C1orf21: variants seen among roughly 807,000 people sequenced by gnomAD.
The protein encoded by C1orf21 is uncharacterized protein C1orf21.
Under a neutral mutation model 18.7 loss-of-function variants are expected in C1orf21, and 3 were observed. The observed-to-expected ratio is 0.16, with a 90% CI of 0.07 to 0.42. C1orf21 has a LOEUF of 0.42. Ranked by LOEUF, C1orf21 falls within the 10% of genes least tolerant of loss-of-function variation. The pLI is 0.99. For missense variants in C1orf21, 104 were observed against 143.6 expected (o/e 0.72, Z 1.41); for synonymous variants, 41 against 46.4 (o/e 0.88, Z 0.47).
intron 1 of C1orf21, among the ~76,000 whole-genome samples, chr1:184,417,404 A>G (rs577085158): frequency 2.0e-5 from 3 of 152,342 alleles, no homozygotes; most frequent in Admixed American, 1.3e-4. Context: ...TAGCTACGGA[A>G]TGCTTGTGAA....
chr1:184,531,554 G>T (rs1186317323), intron 3 of C1orf21, among the ~76,000 whole-genome samples: 1 of 152,104 alleles, frequency 6.6e-6, no homozygotes, highest in Non-Finnish European at 1.5e-5. Context: ...TTTTTCATGT[G>T]ATGTCCAAGG....
chr1:184,431,682 A>G (rs1050229322), intron 1 of C1orf21, among the ~76,000 whole-genome samples: 11 of 152,228 alleles, frequency 7.2e-5, no homozygotes, highest in Admixed American at 2.6e-4. Flanking sequence ...GTGAACAGGC[A>G]ACCTACAGAA....
chr1:184,585,399 A>G (rs1238060899), intron 3 of C1orf21, among the ~76,000 whole-genome samples: 2 of 152,268 alleles, frequency 1.3e-5, no homozygotes, highest in Non-Finnish European at 2.9e-5. Context: ...TTTTCACTTA[A>G]GAATGCTCTC....
chr1:184,532,427 C>T (rs116781176), intron 3 of C1orf21, among the ~76,000 whole-genome samples: 1 of 152,024 alleles, frequency 6.6e-6, no homozygotes, highest in African/African-American at 2.4e-5. Context: ...ACTGTCAGTT[C>T]TATGATTATA....
intron 3 of C1orf21, among the ~76,000 whole-genome samples, chr1:184,548,438 G>A (rs1187821869): frequency 7.6e-6 from 1 of 131,656 alleles, no homozygotes; most frequent in African/African-American, 2.9e-5. Context: ...TTGTTGAGAC[G>A]GAGTCTCCCT....
At chr1:184,565,669 C>T (rs1013071275) in intron 3 of C1orf21, among the ~76,000 whole-genome samples, 4 of 152,254 alleles carry the variant, frequency 2.6e-5, no homozygotes, top group Non-Finnish European at 5.9e-5. Flanking sequence ...CCATATTTCT[C>T]TCACGAAGTC....
intron 5 of C1orf21, among the ~76,000 whole-genome samples, chr1:184,615,828 C>A (rs886110329): frequency 2.0e-5 from 3 of 151,994 alleles, no homozygotes; most frequent in Non-Finnish European, 4.4e-5. Flanking sequence ...AGTAATTGTA[C>A]GTATTTATAG....
intron 3 of C1orf21, among the ~76,000 whole-genome samples, chr1:184,561,751 G>A (rs990391296): frequency 6.6e-6 from 1 of 151,940 alleles, no homozygotes. Context: ...CCAAGTAGGC[G>A]GGATTACAGG....
In C1orf21 at chr1:184,395,766, C is replaced by G. The variant is rs1656041563; in HGVS notation, c.-125+8398C>G. 2.0e-5 allele frequency among the ~76,000 whole-genome samples: 3 copies of G among 152,248 alleles called. No individual in the cohort carries two copies. In the South Asian group the frequency reaches 6.2e-4, roughly 32 times the overall value. On this transcript the variant is annotated intron_variant, in intron 1 of 5. Transcript: ENST00000235307. ...GTAGTTAATAATAGTGTTCCCTTTA[C>G]TCTCAAAAGGATCTCAGTTTGGACA...
chr1:184,510,358 T>C (rs1392566754), intron 3 of C1orf21, among the ~76,000 whole-genome samples: 1 of 152,168 alleles, frequency 6.6e-6, no homozygotes, highest in Non-Finnish European at 1.5e-5. Context: ...AAACCACTGA[T>C]CCTCAGGGTG....
chr1:184,537,964 C>A (rs1658585698), intron 3 of C1orf21, among the ~76,000 whole-genome samples: 1 of 152,136 alleles, frequency 6.6e-6, no homozygotes, highest in Admixed American at 6.6e-5. Flanking sequence ...TTTCAATTCT[C>A]TTGGGCACAT....
At chr1:184,509,179 C>A (rs1345209078) in intron 3 of C1orf21, among the ~76,000 whole-genome samples, 2 of 152,128 alleles carry the variant, frequency 1.3e-5, no homozygotes, top group Admixed American at 6.6e-5. Context: ...AAAGAAGCAA[C>A]ACCTTGTATA....
At chr1:184,528,873 A>G (rs1161136165) in intron 3 of C1orf21, among the ~76,000 whole-genome samples, 3 of 152,168 alleles carry the variant, frequency 2.0e-5, no homozygotes, top group Non-Finnish European at 4.4e-5. Flanking sequence ...TTCTGTAAGC[A>G]TATTCCCAAA....
At chr1:184,448,786 G>A (rs1235211582) in intron 1 of C1orf21, among the ~76,000 whole-genome samples, 1 of 152,128 alleles carries the variant, frequency 6.6e-6, no homozygotes, top group African/African-American at 2.4e-5. Context: ...GTTGCAGGCA[G>A]GGGCAGTGAG....
At chr1:184,424,756 G>A (rs1458860914) in intron 1 of C1orf21, among the ~76,000 whole-genome samples, 4 of 152,184 alleles carry the variant, frequency 2.6e-5, no homozygotes. Flanking sequence ...CGGGCACACA[G>A]CCAGTAAGTG....
chr1:184,440,835 GACCTGGC>G (rs1656932501), intron 1 of C1orf21, among the ~76,000 whole-genome samples: 1 of 152,122 alleles, frequency 6.6e-6, no homozygotes, highest in African/African-American at 2.4e-5. Flanking sequence ...TAATTAGAGG[GACCTGGC>G]TGAGAGGCTG....
intron 2 of C1orf21, among the ~76,000 whole-genome samples, chr1:184,484,811 A>G (rs1356137517): frequency 6.6e-6 from 1 of 151,916 alleles, no homozygotes; most frequent in East Asian, 1.9e-4. Context: ...TGGACTTTGT[A>G]TTGCTATGTG....
In C1orf21 at chr1:184,429,390, T is replaced by C. The variant is rs373753130; in HGVS notation, c.-125+42022T>C. ...ATTTGTAAATTATGTCGTTTGCAAA[T>C]GACATAATTTTTTTCTTAAGAAAAA... On this transcript the variant is annotated intron_variant, in intron 1 of 5. Coordinates refer to ENST00000235307, the MANE Select transcript of C1orf21 (RefSeq NM_030806.4). Among the ~76,000 whole-genome samples the C allele has an allele frequency of 6.3e-4, 96 of 152,288 alleles. No homozygotes were observed. In the South Asian group the frequency reaches 7.3e-3, roughly 12 times the overall value.
Position 184,473,241 on chromosome 1 carries a change from C to T in C1orf21, c.-124-4145C>T, listed in dbSNP as rs548849982. Among the ~76,000 whole-genome samples, 10 of 152,270 alleles carry T rather than the reference C, an allele frequency of 6.6e-5. No homozygotes were observed. In the South Asian group the frequency reaches 1.0e-3, roughly 16 times the overall value. On this transcript the variant is annotated intron_variant, in intron 1 of 5. Transcript: ENST00000235307. Reference sequence around the variant, plus strand: ...TCCATCAAATGTCAAAGGGATGCTTCGATTTAATTCTCACACTGTGATCTG... The same window carrying T: ...TCCATCAAATGTCAAAGGGATGCTTTGATTTAATTCTCACACTGTGATCTG...
Sources: allele counts gnomAD v4.1 joint callset (sites outside exome capture counted in the v4.1 genomes callset), GRCh38; gene constraint gnomAD v4.1.1; transcripts MANE v1.5; gene names NCBI Gene and HGNC (gene_info 2026-07-23, HGNC 2026-07-21).